Variants in LARP1 observed in about 807,000 individuals in gnomAD.
The protein encoded by LARP1 is la-related protein 1.
A neutral mutation model predicts 122.7 loss-of-function variants in LARP1; 36 were observed. The observed-to-expected ratio is 0.29, with a 90% CI of 0.22 to 0.39. The LOEUF is 0.39. LARP1 is among the 10% of genes least tolerant of loss of function. The pLI is 1.00. For synonymous variants in LARP1, 539 were observed against 528.7 expected (o/e 1.02, Z -0.27); for missense variants, 1,040 against 1,403.6 (o/e 0.74, Z 4.14).
intron 1 of LARP1, among the ~76,000 whole-genome samples, chr5:154,690,472 G>T (rs1754140140): frequency 6.6e-6 from 1 of 152,154 alleles, no homozygotes; most frequent in South Asian, 2.1e-4. Flanking sequence ...TATGAAGCAC[G>T]GTTATTTTCA....
chr5:154,730,084 T>TAC (rs577855888), intron 1 of LARP1, among the ~76,000 whole-genome samples: 46 of 152,242 alleles, frequency 3.0e-4, no homozygotes, highest in Non-Finnish European at 5.3e-4. Context: ...GTAGTTTGCT[T>TAC]ACACAAAATA....
chr5:154,703,120 CAAAAAA>C (rs757446137), intron 1 of LARP1, among the ~76,000 whole-genome samples: 6 of 38,782 alleles, frequency 1.5e-4, no homozygotes, highest in Non-Finnish European at 2.0e-4. Context: ...GACGCTGTCT[CAAAAAA>C]AAAAAAAAAA....
chr5:154,739,444 G>A (rs1375968057), intron 1 of LARP1, among the ~76,000 whole-genome samples: 1 of 152,176 alleles, frequency 6.6e-6, no homozygotes, highest in Non-Finnish European at 1.5e-5. Flanking sequence ...TGCTAAAAGC[G>A]GTAAGGGCTT....
upstream of LARP1, among the ~76,000 whole-genome samples, chr5:154,754,373 C>T (rs958234127): frequency 9.2e-5 from 14 of 152,180 alleles, no homozygotes; most frequent in Non-Finnish European, 1.9e-4. Flanking sequence ...TCATACACTG[C>T]TCCTTCATTT....
chr5:154,695,054 G>A (rs1008357569), intron 1 of LARP1, among the ~76,000 whole-genome samples: 2 of 151,890 alleles, frequency 1.3e-5, no homozygotes, highest in African/African-American at 4.8e-5. Context: ...GGTGGCTCAC[G>A]CCTGTAATCC....
At chr5:154,796,968 A>G in intron 8 of LARP1, among the ~76,000 whole-genome samples, 1 of 152,154 alleles carries the variant, frequency 6.6e-6, no homozygotes, top group Admixed American at 6.5e-5. Context: ...ATTTTGGTCC[A>G]TTGCAGTTAA....
At chr5:154,750,432 G>C (rs529409926), upstream of LARP1, among the ~76,000 whole-genome samples, 1 of 152,112 alleles carries the variant, frequency 6.6e-6, no homozygotes, top group Non-Finnish European at 1.5e-5. Context: ...ACCATGCCCG[G>C]ATAATGCTTT....
At chr5:154,743,377 C>T (rs1753010458) in intron 1 of LARP1, among the ~76,000 whole-genome samples, 1 of 148,454 alleles carries the variant, frequency 6.7e-6, no homozygotes, top group Non-Finnish European at 1.5e-5. Flanking sequence ...GTCGTGATCT[C>T]GGCTCACTGC....
chr5:154,787,958 T>G (rs1321834384), intron 1 of LARP1, among the ~76,000 whole-genome samples: 1 of 152,214 alleles, frequency 6.6e-6, no homozygotes, highest in African/African-American at 2.4e-5. Context: ...TGCCTCACCT[T>G]TTTAAGGAAA....
intron 7 of LARP1, among the ~76,000 whole-genome samples, chr5:154,794,534 AT>A (rs1757596167): frequency 6.6e-6 from 1 of 152,260 alleles, no homozygotes. Context: ...CTGTTCTTCC[AT>A]TTGTAATGAC....
At chr5:154,795,826 T>TATATATATTTTATATATATTA (rs1757708605) in intron 8 of LARP1, among the ~76,000 whole-genome samples, 1 of 109,206 alleles carries the variant, frequency 9.2e-6, no homozygotes, top group African/African-American at 2.8e-5. Context: ...TATATATTTA[T>TATATATATTTTATATATATTA]ATATATATTT....
At position 154,792,812 on chromosome 5, in the gene LARP1, C is replaced by T; in HGVS notation, c.739+16C>T. The T allele has an allele frequency of 6.2e-7, 1 of 1,612,108 alleles. No homozygotes were observed. The highest frequency in any genetic ancestry group is 1.7e-5 in the Admixed American group (1 of 59,954). Reference sequence around the variant, plus strand: ...AAGAAGAAAGGTGAGTGACTGGGAGCAGGACTTGGGAGAAGGTGGCAGGGT... The same window carrying T: ...AAGAAGAAAGGTGAGTGACTGGGAGTAGGACTTGGGAGAAGGTGGCAGGGT... On this transcript the variant is annotated intron_variant, in intron 4 of 18. Transcript: ENST00000518297.
chr5:154,816,361 G>A lies in LARP1; in HGVS notation c.*2265G>A, dbSNP rs1460701608. On this transcript the variant is annotated 3_prime_UTR_variant, in exon 19 of 19. Coordinates refer to ENST00000518297, the MANE Select transcript of LARP1 (RefSeq NM_033551.3). ...CTCTGCTGGTTTGGGGCACAAGGAA[G>A]CCTTAGGGTATGGGGAAAGGCTGTT... 1 of 152,800 alleles carries A rather than the reference G, an allele frequency of 6.5e-6. No individual in the cohort carries two copies. The highest frequency in any genetic ancestry group is 1.5e-5 in the Non-Finnish European group (1 of 68,218). 9.5% of individuals were successfully genotyped at this position (152,800 alleles called of 1,614,324 possible).
At chr5:154,714,960 A>T (rs1317606544) in intron 1 of LARP1, among the ~76,000 whole-genome samples, 1 of 152,106 alleles carries the variant, frequency 6.6e-6, no homozygotes, top group East Asian at 1.9e-4. Flanking sequence ...CAGGCAAATC[A>T]TGAGGTCAGG....
chr5:154,702,693 TAC>T (rs914439746), intron 1 of LARP1, among the ~76,000 whole-genome samples: 1 of 152,150 alleles, frequency 6.6e-6, no homozygotes, highest in Admixed American at 6.6e-5. Context: ...GGTCCTGTAA[TAC>T]ATATTTACAC....
intron 18 of LARP1, 80 bp from the exon 19 acceptor site, chr5:154,813,807 G>A: frequency 9.0e-7 from 1 of 1,117,076 alleles, no homozygotes; most frequent in Non-Finnish European, 1.3e-6. Flanking sequence ...GTAGAAAGTA[G>A]GAAGTGTCTA....
rs990335819 is a variant in LARP1, at chr5:154,748,250, T to G, written c.205+35120T>G. Reference sequence around the variant, plus strand: ...CACTTGGCCTTTGACAGTGTTGCTCTGGTTGCCACAACATTGCTGCAATCA... The same window carrying G: ...CACTTGGCCTTTGACAGTGTTGCTCGGGTTGCCACAACATTGCTGCAATCA... On this transcript the variant is annotated intron_variant, in intron 1 of 18. Transcript: ENST00000336314. Among the ~76,000 whole-genome samples the G allele has an allele frequency of 3.9e-5, 6 of 152,244 alleles. No individual in the cohort carries two copies. In the East Asian group the frequency reaches 1.2e-3, roughly 29 times the overall value.
Position 154,814,997 on chromosome 5 carries a change from T to A in LARP1, c.*901T>A, listed in dbSNP as rs1038620008. The stretch of plus-strand genomic sequence containing the variant: ...TTTTGTTTTGTTTTTGGAAATAATA[T>A]TTTTTTAAAAGTTGCCTTATTGTGG... On this transcript the variant is annotated 3_prime_UTR_variant, in exon 19 of 19. Transcript: ENST00000518297. 1 of 152,500 alleles carries A rather than the reference T, an allele frequency of 6.6e-6. No individual in the cohort carries two copies. The highest frequency in any genetic ancestry group is 1.5e-5 in the Non-Finnish European group (1 of 67,998). 9.4% of individuals were successfully genotyped at this position (152,500 alleles called of 1,614,324 possible).
intron 1 of LARP1, among the ~76,000 whole-genome samples, chr5:154,767,425 T>C (rs750277679): frequency 3.9e-5 from 6 of 152,196 alleles, no homozygotes; most frequent in Non-Finnish European, 8.8e-5. Context: ...TTCCCCTTGA[T>C]TGCTGCAGTT....
Sources: gnomAD v4.1 joint callset for allele counts (sites outside exome capture counted in the v4.1 genomes callset) on GRCh38, gnomAD v4.1.1 for gene constraint, MANE v1.5 for transcripts, NCBI Gene and HGNC (gene_info 2026-07-23, HGNC 2026-07-21) for gene names.